RARB: variants seen among roughly 807,000 people sequenced by gnomAD.
The protein encoded by RARB is HBV-activated protein.
A neutral mutation model predicts 51.9 loss-of-function variants in RARB; 17 were observed. That is an observed-to-expected ratio of 0.33 (90% confidence interval 0.22 to 0.49). The LOEUF is 0.49. Among genes scored for constraint, RARB ranks in the 20% least tolerant of loss-of-function variants. The probability of loss-of-function intolerance (pLI) is 0.99; values close to 1 mark genes in which losing one functional copy is unlikely to be tolerated. For synonymous variants in RARB, 215 were observed against 195.4 expected, an observed-to-expected ratio of 1.10 and a Z score of -0.84; for missense variants, 369 against 550.8, an observed-to-expected ratio of 0.67 and a Z score of 3.30.
chr3:25,062,566 CATG>C (rs764010134), intron 3 of RARB, among the ~76,000 whole-genome samples: 1 of 151,924 alleles, frequency 6.6e-6, no homozygotes, highest in Non-Finnish European at 1.5e-5. Context: ...CTGCTTAAAT[CATG>C]ATATGTCAAT....
At chr3:25,380,453 G>A (rs193195383) in intron 5 of RARB, among the ~76,000 whole-genome samples, 334 of 152,280 alleles carry the variant, frequency 2.2e-3, no homozygotes, top group African/African-American at 7.5e-3. Context: ...CTTGCTTTCA[G>A]GAATGCAGTT....
chr3:25,594,527 G>A lies in RARB; in HGVS notation c.999G>A (p.Gln333=). The A allele has an allele frequency of 5.6e-6, 9 of 1,607,410 alleles. No homozygotes were observed. Among genetic ancestry groups the A allele is most frequent in the Middle Eastern group, 1.7e-4 (1 of 6,028 alleles). Residue 333 remains glutamine (Q), a synonymous_variant, in exon 7 of 8, where the codon CAG becomes CAA. Coordinates refer to ENST00000330688, the MANE Select transcript of RARB (RefSeq NM_000965.5). ...SAICLICGDR[Q]DLEEPTKVDK... ...TTTATTCCTGGTATCCAGACCGCCA[G>A]GACCTTGAGGAACCGACAAAAGTAG...
At chr3:24,858,680 G>A (rs1702679852) in exon 2 of RARB, 1 of 152,126 alleles carries the variant, frequency 6.6e-6, no homozygotes, top group Non-Finnish European at 1.5e-5. Context: ...GCAGAATCCT[G>A]AACATCATCA....
chr3:25,583,713 T>C (rs1701277009), intron 5 of RARB, among the ~76,000 whole-genome samples: 2 of 152,196 alleles, frequency 1.3e-5, no homozygotes, highest in South Asian at 4.1e-4. Context: ...GTGGGGACCA[T>C]TTAGTGGGCA....
chr3:25,281,608 TAGC>T (rs1490096743), intron 5 of RARB, among the ~76,000 whole-genome samples: 1 of 152,174 alleles, frequency 6.6e-6, no homozygotes, highest in Non-Finnish European at 1.5e-5. Flanking sequence ...GGGCTAACAA[TAGC>T]AGATTAGAGG....
chr3:25,455,078 T>G (rs1159566267), intron 1 of RARB, among the ~76,000 whole-genome samples: 4 of 152,214 alleles, frequency 2.6e-5, no homozygotes, highest in African/African-American at 9.6e-5. Context: ...GAGTTTGAAG[T>G]CCTTTTAGAG....
chr3:24,913,231 A>G (rs1051615101), intron 2 of RARB, among the ~76,000 whole-genome samples: 9 of 151,474 alleles, frequency 5.9e-5, no homozygotes, highest in South Asian at 4.2e-4. Context: ...TGATCTGCCC[A>G]CCTTGGCCTC....
intron 3 of RARB, among the ~76,000 whole-genome samples, chr3:25,129,150 G>C (rs1699906614): frequency 6.6e-6 from 1 of 151,948 alleles, no homozygotes; most frequent in Admixed American, 6.6e-5. Flanking sequence ...GTTTCTTACT[G>C]TTTTATTGGT....
intron 3 of RARB, among the ~76,000 whole-genome samples, chr3:25,089,713 C>G (rs1699163771): frequency 6.6e-6 from 1 of 152,026 alleles, no homozygotes; most frequent in Admixed American, 6.6e-5. Context: ...GCAAGCCTCT[C>G]CTTGAAAGAG....
intron 2 of RARB, among the ~76,000 whole-genome samples, chr3:24,879,236 T>G (rs1703107730): frequency 1.3e-5 from 2 of 152,118 alleles, no homozygotes; most frequent in South Asian, 4.1e-4. Context: ...GAGACCATCC[T>G]GGCTAACACA....
chr3:25,313,458 A>C (rs148173608), intron 5 of RARB, among the ~76,000 whole-genome samples: 5 of 151,940 alleles, frequency 3.3e-5, no homozygotes, highest in Non-Finnish European at 5.9e-5. Flanking sequence ...GGCTTCCCCA[A>C]CTCCCTGGTA....
At chr3:24,874,505 C>G (rs13318821) in intron 2 of RARB, among the ~76,000 whole-genome samples, 91 of 152,128 alleles carry the variant, frequency 6.0e-4, no homozygotes, top group African/African-American at 2.1e-3. Flanking sequence ...AGTTTACGTA[C>G]AGCTTGTTTT....
chr3:25,265,641 T>A (rs926900274), intron 5 of RARB, among the ~76,000 whole-genome samples: 2 of 152,042 alleles, frequency 1.3e-5, no homozygotes, highest in African/African-American at 2.4e-5. Context: ...CCTGTCTAAT[T>A]TTTGTATTTT....
intron 5 of RARB, among the ~76,000 whole-genome samples, chr3:25,232,980 T>TC (rs1180774246): frequency 6.8e-6 from 1 of 147,254 alleles, no homozygotes; most frequent in East Asian, 2.0e-4. Flanking sequence ...TTTCTTTTTT[T>TC]TTTTTTTTTT....
intron 3 of RARB, among the ~76,000 whole-genome samples, chr3:25,559,513 A>G (rs1666743401): frequency 6.6e-6 from 1 of 152,208 alleles, no homozygotes; most frequent in African/African-American, 2.4e-5. Context: ...ATTTCTTTAG[A>G]TGACTGTGTC....
At chr3:24,840,280 G>A (rs1386822856) in intron 1 of RARB, among the ~76,000 whole-genome samples, 1 of 152,190 alleles carries the variant, frequency 6.6e-6, no homozygotes, top group Non-Finnish European at 1.5e-5. Flanking sequence ...ACTTGTAACT[G>A]CCTAGATGGG....
At chr3:25,224,578 G>T (rs1702013430) in intron 5 of RARB, among the ~76,000 whole-genome samples, 1 of 152,086 alleles carries the variant, frequency 6.6e-6, no homozygotes, top group Non-Finnish European at 1.5e-5. Flanking sequence ...AGGTGTTCAG[G>T]TAAGCTCACC....
intron 5 of RARB, among the ~76,000 whole-genome samples, chr3:25,286,376 C>G (rs1703658006): frequency 6.6e-6 from 1 of 152,182 alleles, no homozygotes; most frequent in Non-Finnish European, 1.5e-5. Flanking sequence ...GCGTGAGACA[C>G]TGTGCCCAGC....
chr3:24,863,285 A>T (rs1575041512), intron 2 of RARB, among the ~76,000 whole-genome samples: 1 of 152,340 alleles, frequency 6.6e-6, no homozygotes, highest in East Asian at 1.9e-4. Context: ...CAACCGAGCT[A>T]ACCAGCCACA....
Sources: allele counts gnomAD v4.1 joint callset (sites outside exome capture counted in the v4.1 genomes callset), GRCh38; gene constraint gnomAD v4.1.1; transcripts MANE v1.5; gene names NCBI Gene and HGNC (gene_info 2026-07-23, HGNC 2026-07-21).